Variants in WDR55 observed in about 807,000 individuals in gnomAD.
WDR55 encodes the protein WD repeat-containing protein 55.
In WDR55, 31 loss-of-function variants were observed where a neutral mutation model predicts 34.0. The observed-to-expected ratio is 0.91, with a 90% CI of 0.69 to 1.23. The LOEUF is 1.23. WDR55 is among the 50% of genes most tolerant of loss of function. The probability of loss-of-function intolerance (pLI) is 0.00; values close to 1 mark genes in which losing one functional copy is unlikely to be tolerated. For synonymous variants in WDR55, 164 were observed against 185.9 expected (o/e 0.88, Z 0.96); for missense variants, 440 against 494.6 (o/e 0.89, Z 1.05).
Position 140,668,491 on chromosome 5 carries a change from C to T in WDR55, c.369C>T (p.Ser123=). The stretch of plus-strand genomic sequence containing the variant: ...AGGGCCAACTGGAAAGACGTGTTTC[C>T]AAGGCTCATGGGTAAGGAGAGCAGC... ...VEQGQLERRV[S]KAHGAPINSL... Residue 123 remains serine (S), a synonymous_variant, in exon 3 of 7, where the codon TCC becomes TCT. Transcript: ENST00000358337. 2 of 1,614,096 alleles carry T rather than the reference C, an allele frequency of 1.2e-6. No homozygotes were observed. Among genetic ancestry groups the T allele is most frequent in the Non-Finnish European group, 1.7e-6 (2 of 1,180,002 alleles).
rs760336966 is a variant in WDR55, at chr5:140,668,477, G to C, written c.355G>C (p.Glu119Gln). The C allele has an allele frequency of 1.2e-6, 2 of 1,614,206 alleles. No individual in the cohort carries two copies. Among genetic ancestry groups the C allele is most frequent in the Non-Finnish European group, 1.7e-6 (2 of 1,180,038 alleles). Residue 119 changes from glutamate to glutamine, a missense_variant, in exon 3 of 7, where the codon GAA (glutamate) becomes CAA (glutamine). Glu to Gln is a conservative substitution (Grantham distance 29). Transcript: ENST00000358337. ...TCTAGATGTGGAGCAGGGCCAACTGGAAAGACGTGTTTCCAAGGCTCATGG... is the reference window on the plus strand; with the variant it reads ...TCTAGATGTGGAGCAGGGCCAACTGCAAAGACGTGTTTCCAAGGCTCATGG... ...HVLDVEQGQL[E>Q]RRVSKAHGAP...
At position 140,669,560 on chromosome 5, in the gene WDR55, G is replaced by A. The variant is rs1232353241; in HGVS notation, c.1058G>A (p.Trp353Ter). ...GPLRALSSKT[W>*]STDDFFAGLR... ...CTGCGGGCTCTGAGCAGCAAGACTT[G>A]GAGCACCGATGACTTCTTCGCAGGA... The change falls in exon 7 of 7, where the codon TGG becomes TAG. Residue 353 changes from tryptophan (W) to a stop codon, truncating the protein, a stop_gained. Transcript: ENST00000358337. LOFTEE classifies it high-confidence loss of function. The A allele has an allele frequency of 2.5e-6, 4 of 1,613,970 alleles. No individual in the cohort carries two copies. The highest frequency in any genetic ancestry group is 3.4e-6 in the Non-Finnish European group (4 of 1,179,996).
At position 140,669,178 on chromosome 5, in the gene WDR55, GA is replaced by G; in HGVS notation, c.762del (p.Glu254AspfsTer26). 6.2e-7 allele frequency: 1 copy of G among 1,614,122 alleles called. No individual in the cohort carries two copies. Among genetic ancestry groups the G allele is most frequent in the Non-Finnish European group, 8.5e-7 (1 of 1,180,032 alleles). The part of the protein sequence containing the change: ...ATSDRFALRA[E>X]SIDCMVPVTE... ...AAGTGACCGCTTTGCCCTGAGAGCT[GA>G]ATCTATCGACTGCATGGTTCCAGTC... On this transcript the variant is annotated frameshift_variant, in exon 6 of 7. Coordinates refer to ENST00000358337, the MANE Select transcript of WDR55 (RefSeq NM_017706.5). LOFTEE classifies it high-confidence loss of function.
chr5:140,666,499 T>C, intron 1 of WDR55: 12 of 409,640 alleles, frequency 2.9e-5, no homozygotes, highest in Non-Finnish European at 3.9e-5. Context: ...CCAGGATCTC[T>C]TCCCTCTTCC....
chr5:140,665,340 C>T (rs1757893375), intron 1 of WDR55, among the ~76,000 whole-genome samples: 2 of 152,184 alleles, frequency 1.3e-5, no homozygotes, highest in East Asian at 1.9e-4. Flanking sequence ...TGTTATTTCC[C>T]ACCGATTATT....
In WDR55 at chr5:140,668,470, C is replaced by T; in HGVS notation, c.348C>T (p.Gly116=). Residue 116 remains glycine (G), a synonymous_variant, in exon 3 of 7, where the codon GGC becomes GGT. Transcript: ENST00000358337. ...KAIHVLDVEQ[G]QLERRVSKAH... Reference sequence around the variant, plus strand: ...TCCATGTTCTAGATGTGGAGCAGGGCCAACTGGAAAGACGTGTTTCCAAGG... The same window carrying T: ...TCCATGTTCTAGATGTGGAGCAGGGTCAACTGGAAAGACGTGTTTCCAAGG... 1.2e-6 allele frequency: 2 copies of T among 1,614,108 alleles called. No homozygotes were observed. Among genetic ancestry groups the T allele is most frequent in the Non-Finnish European group, 1.7e-6 (2 of 1,180,012 alleles).
intron 1 of WDR55, chr5:140,667,995 G>C (rs1381512697): frequency 2.6e-6 from 1 of 380,830 alleles, no homozygotes; most frequent in African/African-American, 2.1e-5. Context: ...GGGGTTGGGT[G>C]GGATCACAAA....
Position 140,671,088 on chromosome 5 carries a change from G to C in WDR55, c.*1434G>C. 1 of 666,244 alleles carries C rather than the reference G, an allele frequency of 1.5e-6. No homozygotes were observed. The highest frequency in any genetic ancestry group is 2.7e-5 in the East Asian group (1 of 36,390). 41.3% of individuals were successfully genotyped at this position (666,244 alleles called of 1,614,324 possible). On this transcript the variant is annotated 3_prime_UTR_variant, in exon 7 of 7. Transcript: ENST00000358337. ...TTGGACCCTGGGCTGGGAGCGGGAGGGCAAGGCCCCTCACCACAACTTAAC... is the reference window on the plus strand; with the variant it reads ...TTGGACCCTGGGCTGGGAGCGGGAGCGCAAGGCCCCTCACCACAACTTAAC...
At chr5:140,666,653 T>G in intron 1 of WDR55, 1 of 984,876 alleles carries the variant, frequency 1.0e-6, no homozygotes, top group Non-Finnish European at 1.2e-6. Flanking sequence ...ACTAATGTTT[T>G]TCAAACGTCT....
rs1338636275 is a variant in WDR55 at position 140,669,138 on chromosome 5, T to C, written c.720T>C (p.Asn240=). The part of the protein sequence containing the change: ...SEGTIYLFNW[N]GFGATSDRFA... Reference sequence around the variant, plus strand: ...GTACCATCTACCTCTTCAATTGGAATGGCTTTGGGGCCACAAGTGACCGCT... The same window carrying C: ...GTACCATCTACCTCTTCAATTGGAACGGCTTTGGGGCCACAAGTGACCGCT... The change falls in exon 6 of 7, where the codon AAT becomes AAC. Residue 240 remains asparagine (N), a synonymous_variant. Coordinates refer to ENST00000358337, the MANE Select transcript of WDR55 (RefSeq NM_017706.5). 1.2e-6 allele frequency: 2 copies of C among 1,614,166 alleles called. No homozygotes were observed. Among genetic ancestry groups the C allele is most frequent in the Admixed American group, 1.7e-5 (1 of 60,018 alleles).
In WDR55 at chr5:140,668,611, G is replaced by A; in HGVS notation, c.381-1G>A. 1 of 1,613,188 alleles carries A rather than the reference G, an allele frequency of 6.2e-7. No individual in the cohort carries two copies. Among genetic ancestry groups the A allele is most frequent in the Non-Finnish European group, 8.5e-7 (1 of 1,179,478 alleles). On this transcript the variant is annotated splice_acceptor_variant, in intron 3 of 6. Transcript: ENST00000358337. LOFTEE classifies it high-confidence loss of function. The stretch of plus-strand genomic sequence containing the variant: ...AAGAAGTTCTACATCTGTGTCTCTA[G>A]TGCCCCCATCAATAGTCTTCTGCTG...
rs764985364 is a variant in WDR55 at position 140,671,784 on chromosome 5, A to C, written c.*2130A>C. ...AAAATGCAAAGACAAGGGCAGGTCT[A>C]AACCCTGGGCCCAAGCCTCCAGGTG... On this transcript the variant is annotated 3_prime_UTR_variant, in exon 7 of 7. Transcript: ENST00000358337. 1 of 1,552,522 alleles carries C rather than the reference A, an allele frequency of 6.4e-7. No homozygotes were observed.
In WDR55 at chr5:140,669,472, ATGGCC is replaced by A; in HGVS notation, c.971_975del (p.Met324ThrfsTer9). 6.2e-7 allele frequency: 1 copy of A among 1,614,084 alleles called. No homozygotes were observed. Among genetic ancestry groups the A allele is most frequent in the South Asian group, 1.1e-5 (1 of 91,070 alleles). On this transcript the variant is annotated frameshift_variant, in exon 7 of 7. Transcript: ENST00000358337. LOFTEE classifies it high-confidence loss of function. ...TGACCAGCGCCTCAAGTTTTGGGAC[ATGGCC>A]CAGCTGCGAGCTGTGGTGGTGGATG...
Position 140,672,160 on chromosome 5 carries a change from C to CT in WDR55, c.*2507dup. The CT allele has an allele frequency of 1.8e-6, 1 of 566,140 alleles. No individual in the cohort carries two copies. The highest frequency in any genetic ancestry group is 3.0e-5 in the East Asian group (1 of 33,370). 35.1% of individuals were successfully genotyped at this position (566,140 alleles called of 1,614,324 possible). Reference sequence around the variant, plus strand: ...GATTCCCTTGAGCAAATCAATTTCTCTAACAGTTTCCTCATAGCTTGAGGG... The same window carrying CT: ...GATTCCCTTGAGCAAATCAATTTCTCTTAACAGTTTCCTCATAGCTTGAGGG... On this transcript the variant is annotated 3_prime_UTR_variant, in exon 7 of 7. Coordinates refer to ENST00000358337, the MANE Select transcript of WDR55 (RefSeq NM_017706.5).
chr5:140,667,166 T>C (rs1310062332), intron 1 of WDR55: 1 of 983,724 alleles, frequency 1.0e-6, no homozygotes, highest in Non-Finnish European at 1.2e-6. Flanking sequence ...ACTTGGGAGT[T>C]GCCCTAGACA....
At position 140,672,121 on chromosome 5, in the gene WDR55, A is replaced by G. The variant is rs1376742326; in HGVS notation, c.*2467A>G. On this transcript the variant is annotated 3_prime_UTR_variant, in exon 7 of 7. Coordinates refer to ENST00000358337, the MANE Select transcript of WDR55 (RefSeq NM_017706.5). ...CTGAGGAAACAGATTCTATAGTAGT[A>G]AAAAGCTCAGTTGGATTCCCTTGAG... is the stretch of plus-strand genomic sequence containing the variant. The G allele has an allele frequency of 3.7e-6, 2 of 545,350 alleles. No individual in the cohort carries two copies. Among genetic ancestry groups the G allele is most frequent in the Non-Finnish European group, 6.6e-6 (2 of 304,034 alleles). The allele number at this position is 545,350 out of a possible 1,614,324, so 33.8% of individuals were successfully genotyped here. A position where few individuals can be genotyped will look rare whatever the true frequency, so the allele number is the denominator to read the frequency against.
rs183752120 is a variant in WDR55, at chr5:140,665,756, C to T, written c.191+653C>T. 2.6e-3 allele frequency among the ~76,000 whole-genome samples: 403 copies of T among 152,262 alleles called. 2 individuals carry two copies. The highest frequency in any genetic ancestry group is 0.014 in the Middle Eastern group (4 of 294). On this transcript the variant is annotated intron_variant, in intron 1 of 6. Coordinates refer to ENST00000358337, the MANE Select transcript of WDR55 (RefSeq NM_017706.5). ...TTGGCTCACGCCTGTAATACCCGCACTTTGGGAGGCCGAGGTGGGCGGGTC... is the reference window on the plus strand; with the variant it reads ...TTGGCTCACGCCTGTAATACCCGCATTTTGGGAGGCCGAGGTGGGCGGGTC...
At chr5:140,665,215 G>T in intron 1 of WDR55, 112 bp downstream of exon 1, 1 of 940,586 alleles carries the variant, frequency 1.1e-6, no homozygotes. Flanking sequence ...AAGATTCTTT[G>T]GGTCCAATTT....
At chr5:140,665,517 C>A (rs1217808396) in intron 1 of WDR55, among the ~76,000 whole-genome samples, 5 of 152,042 alleles carry the variant, frequency 3.3e-5, no homozygotes, top group Non-Finnish European at 5.9e-5. Context: ...GCCACCACGC[C>A]CGGCTAATTT....
Sources: allele counts gnomAD v4.1 joint callset (sites outside exome capture counted in the v4.1 genomes callset), GRCh38; gene constraint gnomAD v4.1.1; transcripts MANE v1.5; gene names NCBI Gene and HGNC (gene_info 2026-07-23, HGNC 2026-07-21).